The following HPCAL1 variants were observed in gnomAD, a reference collection of about 807,000 sequenced individuals.
HPCAL1 encodes hippocalcin-like protein 1.
Under a neutral mutation model 17.1 loss-of-function variants are expected in HPCAL1, and 8 were observed. That is an observed-to-expected ratio of 0.47 (90% CI 0.27 to 0.84). The LOEUF (loss-of-function observed/expected upper bound fraction) is 0.84. Ranked by LOEUF, HPCAL1 falls within the 40% of genes least tolerant of loss-of-function variation. The pLI is 0.13. For missense variants in HPCAL1, 165 were observed against 271.1 expected (o/e 0.61, Z 2.75); for synonymous variants, 112 against 111.4 (o/e 1.01, Z -0.03).
intron 1 of HPCAL1, among the ~76,000 whole-genome samples, chr2:10,356,384 T>C (rs937453799): frequency 2.0e-5 from 3 of 152,096 alleles, no homozygotes; most frequent in Non-Finnish European, 4.4e-5. Context: ...AGTTTTGAAC[T>C]GGGACTTGAA....
chr2:10,368,336 T>C (rs530652584), intron 1 of HPCAL1, among the ~76,000 whole-genome samples: 1 of 151,646 alleles, frequency 6.6e-6, no homozygotes, highest in African/African-American at 2.4e-5. Context: ...GTGTGTGCAG[T>C]GTGTGTAGGT....
intron 2 of HPCAL1, among the ~76,000 whole-genome samples, chr2:10,400,497 G>A (rs967071202): frequency 2.6e-5 from 4 of 152,214 alleles, no homozygotes; most frequent in South Asian, 2.1e-4. Flanking sequence ...TGGCCAGGCC[G>A]TGGATCCCAG....
At chr2:10,401,309 C>T (rs758658638) in intron 2 of HPCAL1, among the ~76,000 whole-genome samples, 27 of 152,212 alleles carry the variant, frequency 1.8e-4, no homozygotes, top group Non-Finnish European at 7.4e-5. Context: ...TCTCAGTTAC[C>T]CCCTAGAATA....
chr2:10,411,830 C>T (rs1670377989), intron 2 of HPCAL1, among the ~76,000 whole-genome samples: 1 of 152,216 alleles, frequency 6.6e-6, no homozygotes, highest in African/African-American at 2.4e-5. Context: ...CCCGCTTGCT[C>T]AGGGCAAGGA....
At chr2:10,425,536 G>A (rs1671350178) in intron 4 of HPCAL1, 1 of 152,302 alleles carries the variant, frequency 6.6e-6, no homozygotes, top group South Asian at 2.1e-4. Context: ...ACTGTGCAGG[G>A]GCATCCTCCG....
At chr2:10,366,830 C>T (rs185654484) in intron 1 of HPCAL1, among the ~76,000 whole-genome samples, 17 of 152,310 alleles carry the variant, frequency 1.1e-4, no homozygotes, top group African/African-American at 2.6e-4. Flanking sequence ...CACCACAGCA[C>T]GGTGAAGGCA....
chr2:10,380,329 A>C (rs1558501894), intron 1 of HPCAL1, among the ~76,000 whole-genome samples: 1 of 152,152 alleles, frequency 6.6e-6, no homozygotes, highest in East Asian at 1.9e-4. Flanking sequence ...TGGGCACACC[A>C]GGGCCCACGA....
rs1664622576 is a variant in HPCAL1, at chr2:10,334,880, G to T, written c.-111+31703G>T. Among the ~76,000 whole-genome samples, 3 of 152,144 alleles carry T rather than the reference G, an allele frequency of 2.0e-5. No individual in the cohort carries two copies. In the South Asian group the frequency reaches 6.2e-4, roughly 32 times the overall value. On this transcript the variant is annotated intron_variant, in intron 1 of 4. Transcript: ENST00000307845. Reference sequence around the variant, plus strand: ...TTTTATAGAGTCAGGGTTTTGCCAAGTTGCCCAGCCTGGTCTTGAACTCCT... The same window carrying T: ...TTTTATAGAGTCAGGGTTTTGCCAATTTGCCCAGCCTGGTCTTGAACTCCT...
At chr2:10,321,147 G>A (rs757407403) in intron 1 of HPCAL1, among the ~76,000 whole-genome samples, 30 of 152,166 alleles carry the variant, frequency 2.0e-4, no homozygotes, top group East Asian at 1.9e-3. Flanking sequence ...CAATCATGGC[G>A]GAAGGTGACG....
intron 1 of HPCAL1, among the ~76,000 whole-genome samples, chr2:10,350,411 A>T (rs1181134909): frequency 6.6e-6 from 1 of 151,464 alleles, no homozygotes; most frequent in Non-Finnish European, 1.5e-5. Flanking sequence ...CTTGGGCTCA[A>T]GCAATCCCCC....
chr2:10,375,445 G>A (rs534217787), intron 1 of HPCAL1, among the ~76,000 whole-genome samples: 8 of 152,322 alleles, frequency 5.3e-5, no homozygotes, highest in East Asian at 1.9e-4. Flanking sequence ...CATCAGAGCC[G>A]TGGGGGAGGG....
rs1327222443 is a variant in HPCAL1, at chr2:10,394,630, G to A, written c.-110-2205G>A. On this transcript the variant is annotated intron_variant, in intron 1 of 4. Transcript: ENST00000307845. The surrounding 1 kb of genome is among the most constrained non-coding windows in gnomAD (Gnocchi z 5.0). ...AAGAGGGAACCCTAACGTGAGCTGC[G>A]GACCTGGGGGGTGATGATGGTCAGT... Among the ~76,000 whole-genome samples the A allele has an allele frequency of 6.6e-6, 1 of 152,124 alleles. No homozygotes were observed. The highest frequency in any genetic ancestry group is 2.4e-5 in the African/African-American group (1 of 41,432).
At chr2:10,418,965 C>T (rs1670856748) in intron 2 of HPCAL1, among the ~76,000 whole-genome samples, 1 of 152,126 alleles carries the variant, frequency 6.6e-6, no homozygotes, top group Non-Finnish European at 1.5e-5. Flanking sequence ...ATCCCAGCAC[C>T]TTGGGAGGCC....
rs546817891 is a variant in HPCAL1 at position 10,395,915 on chromosome 2, C to T, written c.-110-920C>T. ...AAGGAGCCTGGTTGTATAGAGCTGTCGGCCTCAACACTGTTAATACACATA... is the reference window on the plus strand; with the variant it reads ...AAGGAGCCTGGTTGTATAGAGCTGTTGGCCTCAACACTGTTAATACACATA... On this transcript the variant is annotated intron_variant, in intron 1 of 4. Coordinates refer to ENST00000307845, the MANE Select transcript of HPCAL1 (RefSeq NM_002149.4). This position sits in a 1 kb window ranked among gnomAD's most constrained non-coding sequence, Gnocchi z 4.4. Among the ~76,000 whole-genome samples, 2 of 152,292 alleles carry T rather than the reference C, an allele frequency of 1.3e-5. No homozygotes were observed. Among genetic ancestry groups the T allele is most frequent in the South Asian group, 2.1e-4 (1 of 4,826 alleles).
intron 2 of HPCAL1, among the ~76,000 whole-genome samples, chr2:10,404,176 G>T (rs1317538314): frequency 1.3e-5 from 2 of 152,104 alleles, no homozygotes; most frequent in Non-Finnish European, 2.9e-5. Flanking sequence ...TTGGGCCTGC[G>T]AGTCATTGAC....
rs1027556041 is a variant in HPCAL1, at chr2:10,390,637, G to A, written c.-110-6198G>A. Among the ~76,000 whole-genome samples the A allele has an allele frequency of 9.9e-5, 15 of 152,210 alleles. No homozygotes were observed. In the South Asian group the frequency reaches 1.9e-3, roughly 19 times the overall value. On this transcript the variant is annotated intron_variant, in intron 1 of 4. Transcript: ENST00000307845. ...TGAGCAAGCAGGAGAGGCCACTTCC[G>A]GTTTTCTGCAGGTCCCAGTGAGCAT...
Position 10,305,448 on chromosome 2 carries a change from G to A in HPCAL1, c.-111+2271G>A, listed in dbSNP as rs913388928. ...GGATAATGTGGCAAAGGGAAGGCCC[G>A]GGGGCCCTGCCTCTCCCTTGCGGTG... On this transcript the variant is annotated intron_variant, in intron 1 of 4. Coordinates refer to ENST00000307845, the MANE Select transcript of HPCAL1 (RefSeq NM_002149.4). Among the ~76,000 whole-genome samples, 7 of 152,340 alleles carry A rather than the reference G, an allele frequency of 4.6e-5. No individual in the cohort carries two copies. The South Asian group carries it at 1.0e-3, about 23-fold the overall frequency.
chr2:10,421,165 G>T (rs1001464759), intron 3 of HPCAL1, among the ~76,000 whole-genome samples: 1 of 152,236 alleles, frequency 6.6e-6, no homozygotes, highest in African/African-American at 2.4e-5. Context: ...GATGTCCCCA[G>T]GAATGCGCAG....
chr2:10,422,277 T>C (rs994274702), intron 3 of HPCAL1, among the ~76,000 whole-genome samples: 103 of 152,304 alleles, frequency 6.8e-4, no homozygotes, highest in African/African-American at 2.3e-3. Flanking sequence ...AATGAGAATA[T>C]CAAGCCACCT....
Sources: gnomAD v4.1 joint callset for allele counts (sites outside exome capture counted in the v4.1 genomes callset) on GRCh38, gnomAD v4.1.1 for gene constraint, Gnocchi (gnomAD v3.1) non-coding constraint, MANE v1.5 for transcripts, NCBI Gene and HGNC (gene_info 2026-07-23, HGNC 2026-07-21) for gene names.